Variants in RARB observed in about 807,000 individuals in gnomAD.
RARB encodes retinoic acid receptor beta, also known as HBV-activated protein.
A neutral mutation model predicts 51.9 loss-of-function variants in RARB; 17 were observed. The ratio of observed to expected loss-of-function variants is 0.33; its 90% CI spans 0.22 to 0.49. RARB has a LOEUF of 0.49. RARB is among the 20% of genes least tolerant of loss of function. The probability of loss-of-function intolerance (pLI) is 0.99; values close to 1 mark genes in which losing one functional copy is unlikely to be tolerated. For synonymous variants in RARB, 215 were observed against 195.4 expected (o/e 1.10, Z -0.84); for missense variants, 369 against 550.8 (o/e 0.67, Z 3.30).
At chr3:25,504,518 T>C (rs1334547673) in intron 3 of RARB, among the ~76,000 whole-genome samples, 1 of 152,020 alleles carries the variant, frequency 6.6e-6, no homozygotes, top group African/African-American at 2.4e-5. Context: ...AGGATTGAGG[T>C]TGACTTCACC....
At chr3:24,991,736 G>A (rs994604417) in intron 2 of RARB, among the ~76,000 whole-genome samples, 3 of 151,118 alleles carry the variant, frequency 2.0e-5, no homozygotes, top group African/African-American at 7.3e-5. Context: ...TGCTTTTGCT[G>A]CATCTGCTGA....
intron 2 of RARB, among the ~76,000 whole-genome samples, chr3:25,058,974 A>T (rs1000256188): frequency 1.3e-5 from 2 of 151,748 alleles, no homozygotes; most frequent in Non-Finnish European, 3.0e-5. Context: ...TTTACCCATA[A>T]TTCTACCACC....
intron 1 of RARB, among the ~76,000 whole-genome samples, chr3:25,454,791 C>T (rs759192586): frequency 7.9e-5 from 12 of 152,116 alleles, no homozygotes; most frequent in South Asian, 4.1e-4. Context: ...GAGCTATTGT[C>T]GAAGACTTTC....
At chr3:25,515,901 C>A (rs776220775) in intron 3 of RARB, among the ~76,000 whole-genome samples, 1 of 152,118 alleles carries the variant, frequency 6.6e-6, no homozygotes, top group Non-Finnish European at 1.5e-5. Flanking sequence ...AGTAGTGGAA[C>A]GGCCATTTCT....
rs1289232005 is a variant in RARB at position 25,035,447 on chromosome 3, T to TC, written c.-379-24677dup. On this transcript the variant is annotated intron_variant, in intron 2 of 11. Coordinates refer to the RARB transcript ENST00000383772. ...TTTTTTTTTTTTTTTTTTTTTTTTT[T>TC]CTCTCAAGGTAGCTATTCCATCATG... Among the ~76,000 whole-genome samples the TC allele has an allele frequency of 6.5e-5, 7 of 108,444 alleles. No individual in the cohort carries two copies. In the South Asian group the frequency reaches 1.6e-3, roughly 25 times the overall value. 71.1% of individuals were successfully genotyped at this position (108,444 alleles called of 152,430 possible). A position where few individuals can be genotyped will look rare whatever the true frequency, so the allele number is the denominator to read the frequency against.
At chr3:25,134,526 G>T (rs1700000096) in intron 4 of RARB, among the ~76,000 whole-genome samples, 1 of 151,930 alleles carries the variant, frequency 6.6e-6, no homozygotes, top group Admixed American at 6.6e-5. Flanking sequence ...GCTAAAACGT[G>T]TACAGTTCTG....
At chr3:25,511,543 A>C (rs903168872) in intron 3 of RARB, among the ~76,000 whole-genome samples, 1 of 152,246 alleles carries the variant, frequency 6.6e-6, no homozygotes, top group Admixed American at 6.5e-5. Flanking sequence ...AAAAAAATCA[A>C]TTGAGACAGA....
chr3:25,514,017 A>G (rs1384285741), intron 3 of RARB, among the ~76,000 whole-genome samples: 2 of 152,242 alleles, frequency 1.3e-5, no homozygotes, highest in African/African-American at 4.8e-5. Flanking sequence ...AAGTGCTTCT[A>G]AAATAGCTGG....
chr3:25,221,980 A>G (rs952551956), intron 5 of RARB, among the ~76,000 whole-genome samples: 64 of 152,200 alleles, frequency 4.2e-4, no homozygotes, highest in African/African-American at 1.5e-3. Context: ...ATTAAGCAGA[A>G]TCAGCTTAGA....
At chr3:25,580,486 T>TCTCC (rs1419378214) in intron 4 of RARB, 60 bp from the exon 5 acceptor site, 11 of 1,403,646 alleles carry the variant, frequency 7.8e-6, no homozygotes, top group Admixed American at 2.0e-5. Flanking sequence ...ACATTGAATT[T>TCTCC]CTCCCCTCCT....
Position 25,076,242 on chromosome 3 carries a change from G to A in RARB, c.-328+16066G>A, listed in dbSNP as rs142233832. Among the ~76,000 whole-genome samples the A allele has an allele frequency of 5.3e-4, 81 of 151,764 alleles. No homozygotes were observed. In the East Asian group the frequency reaches 0.012, roughly 23 times the overall value. Reference sequence around the variant, plus strand: ...CGCAAGCTCCGCCTCCCGGGTTCACGCCATTCTCTTGCCTCAACCTCCTGA... The same window carrying A: ...CGCAAGCTCCGCCTCCCGGGTTCACACCATTCTCTTGCCTCAACCTCCTGA... On this transcript the variant is annotated intron_variant, in intron 3 of 11. Transcript: ENST00000383772.
At chr3:25,242,296 A>T (rs1167828901) in intron 5 of RARB, among the ~76,000 whole-genome samples, 2 of 151,130 alleles carry the variant, frequency 1.3e-5, no homozygotes, top group East Asian at 3.9e-4. Context: ...CCGTGCAGAA[A>T]CTCTTTAGTT....
At chr3:25,107,934 T>A (rs1699536816) in intron 3 of RARB, among the ~76,000 whole-genome samples, 1 of 152,184 alleles carries the variant, frequency 6.6e-6, no homozygotes, top group Non-Finnish European at 1.5e-5. Flanking sequence ...ACTTTATAGC[T>A]TCTCTGTGGC....
intron 5 of RARB, among the ~76,000 whole-genome samples, chr3:25,199,903 C>T (rs560244801): frequency 2.4e-4 from 37 of 152,268 alleles, no homozygotes; most frequent in African/African-American, 8.9e-4. Flanking sequence ...CCACAATAAA[C>T]ATATGTGTGC....
At chr3:24,918,354 GA>G (rs1336748305) in intron 2 of RARB, among the ~76,000 whole-genome samples, 1 of 152,170 alleles carries the variant, frequency 6.6e-6, no homozygotes, top group Non-Finnish European at 1.5e-5. Context: ...GAAATACCTA[GA>G]AAATGCAGAT....
intron 3 of RARB, among the ~76,000 whole-genome samples, chr3:25,124,495 G>A (rs1234741782): frequency 6.6e-6 from 1 of 152,158 alleles, no homozygotes; most frequent in Non-Finnish European, 1.5e-5. Context: ...CCTGTACTGG[G>A]AATTTTATGG....
chr3:25,033,751 C>T (rs757384992), intron 2 of RARB, among the ~76,000 whole-genome samples: 16 of 152,282 alleles, frequency 1.1e-4, no homozygotes, highest in Admixed American at 4.6e-4. Context: ...CTTGGAACCA[C>T]ACAGGGAAGG....
chr3:25,270,644 C>T (rs888417543), intron 5 of RARB, among the ~76,000 whole-genome samples: 9 of 152,176 alleles, frequency 5.9e-5, no homozygotes, highest in Admixed American at 3.9e-4. Flanking sequence ...CAGCCTATCA[C>T]TGATAATTAA....
intron 5 of RARB, among the ~76,000 whole-genome samples, chr3:25,585,023 G>A (rs1701330190): frequency 6.6e-6 from 1 of 151,044 alleles, no homozygotes. Flanking sequence ...TGCCCCAGCT[G>A]TTGAATGTGG....
Sources: gnomAD v4.1 joint callset for allele counts (sites outside exome capture counted in the v4.1 genomes callset) on GRCh38, gnomAD v4.1.1 for gene constraint, MANE v1.5 for transcripts, NCBI Gene and HGNC (gene_info 2026-07-23, HGNC 2026-07-21) for gene names.